The following DGKB variants were observed in gnomAD, a reference collection of about 807,000 sequenced individuals.
DGKB encodes 90 kDa diacylglycerol kinase.
DGKB carries 67 observed loss-of-function variants against 114.3 expected under a neutral mutation model. That is an observed-to-expected ratio of 0.59 (90% CI 0.48 to 0.72). The LOEUF (loss-of-function observed/expected upper bound fraction) is 0.72, where lower values mean the gene tolerates loss of function less well. DGKB is among the 30% of genes least tolerant of loss of function. The probability of loss-of-function intolerance (pLI) is 0.00; values close to 1 mark genes in which losing one functional copy is unlikely to be tolerated. For synonymous variants in DGKB, 398 were observed against 323.1 expected, an observed-to-expected ratio of 1.23 and a Z score of -2.49; for missense variants, 907 against 975.2, an observed-to-expected ratio of 0.93 and a Z score of 0.93.
At chr7:14,933,040 A>G (rs1785106911) in intron 1 of DGKB, among the ~76,000 whole-genome samples, 2 of 152,132 alleles carry the variant, frequency 1.3e-5, no homozygotes, top group African/African-American at 4.8e-5. Context: ...ATCTCACACT[A>G]TTACCTCTTG....
intron 1 of DGKB, among the ~76,000 whole-genome samples, chr7:14,858,313 C>T (rs922831055): frequency 1.4e-4 from 21 of 152,152 alleles, no homozygotes; most frequent in Admixed American, 4.6e-4. Flanking sequence ...AGAATGACTA[C>T]AATTTAACTG....
At chr7:14,408,302 A>C (rs915977601) in intron 21 of DGKB, among the ~76,000 whole-genome samples, 6 of 152,094 alleles carry the variant, frequency 3.9e-5, no homozygotes, top group African/African-American at 1.2e-4. Context: ...GTTAATTATC[A>C]TGGAAGTACT....
chr7:14,544,430 T>C (rs1793964237), intron 20 of DGKB, among the ~76,000 whole-genome samples: 5 of 152,298 alleles, frequency 3.3e-5, no homozygotes, highest in Admixed American at 2.6e-4. Context: ...AAATGTAAAA[T>C]ACAGTTTCAT....
At chr7:14,368,573 C>CTCTGTGTGTGTG (rs10649333) in intron 21 of DGKB, among the ~76,000 whole-genome samples, 5 of 148,620 alleles carry the variant, frequency 3.4e-5, no homozygotes, top group South Asian at 4.3e-4. Flanking sequence ...GGTATTTTCT[C>CTCTGTGTGTGTG]TGTGTGTGTG....
intron 20 of DGKB, among the ~76,000 whole-genome samples, chr7:14,533,172 A>G (rs1241796859): frequency 3.3e-5 from 5 of 151,878 alleles, no homozygotes; most frequent in African/African-American, 1.2e-4. Context: ...AACATAAACC[A>G]TAAAATATAG....
chr7:14,245,253 G>A (rs1029170330), intron 23 of DGKB, among the ~76,000 whole-genome samples: 6 of 152,036 alleles, frequency 3.9e-5, no homozygotes, highest in Non-Finnish European at 8.8e-5. Context: ...AAAAATAAAT[G>A]TCCTACTGAA....
At chr7:14,385,645 C>T (rs7804922) in intron 21 of DGKB, among the ~76,000 whole-genome samples, 1,936 of 152,258 alleles carry the variant, frequency 0.013, 40 homozygotes, top group African/African-American at 0.043. Context: ...TCGCAGATCT[C>T]TTCTCAAATT....
chr7:14,308,508 T>C (rs1804846971), intron 23 of DGKB, among the ~76,000 whole-genome samples: 2 of 152,202 alleles, frequency 1.3e-5, no homozygotes, highest in African/African-American at 4.8e-5. Context: ...CAGAAATATC[T>C]TTGCCAAATT....
At chr7:14,819,942 G>A (rs1343537865) in intron 2 of DGKB, among the ~76,000 whole-genome samples, 1 of 152,120 alleles carries the variant, frequency 6.6e-6, no homozygotes, top group Non-Finnish European at 1.5e-5. Context: ...TATTCAGAGA[G>A]GTTTTTTAAC....
At chr7:14,666,134 T>C (rs1311210415) in intron 13 of DGKB, among the ~76,000 whole-genome samples, 1 of 152,022 alleles carries the variant, frequency 6.6e-6, no homozygotes, top group East Asian at 1.9e-4. Flanking sequence ...AATAAAAGCA[T>C]GATGGCAACG....
At chr7:14,176,701 A>G in intron 25 of DGKB, 138 bp downstream of exon 25, 1 of 1,493,460 alleles carries the variant, frequency 6.7e-7, no homozygotes, top group South Asian at 1.4e-5. Flanking sequence ...TCTGACACAC[A>G]CATAACAACA....
intron 1 of DGKB, among the ~76,000 whole-genome samples, chr7:14,918,949 G>T (rs772808629): frequency 1.6e-4 from 24 of 151,876 alleles, no homozygotes; most frequent in Non-Finnish European, 3.1e-4. Context: ...TGTAATCCCA[G>T]CTACTCAGGA....
chr7:14,578,994 C>T (rs892380442), intron 19 of DGKB, among the ~76,000 whole-genome samples: 1 of 152,152 alleles, frequency 6.6e-6, no homozygotes, highest in South Asian at 2.1e-4. Flanking sequence ...TTCCTTCAGT[C>T]CTTGAAACAC....
Position 14,145,551 on chromosome 7 carries a change from C to G in DGKB, c.*3580G>C, listed in dbSNP as rs1219501690. 2 of 152,018 alleles carry G rather than the reference C, an allele frequency of 1.3e-5. No individual in the cohort carries two copies. The highest frequency in any genetic ancestry group is 2.9e-5 in the Non-Finnish European group (2 of 68,046). The allele number at this position is 152,018 out of a possible 1,614,324, so 9.4% of individuals were successfully genotyped here. On this transcript the variant is annotated 3_prime_UTR_variant, in exon 26 of 26. Transcript: ENST00000402815. Reference sequence around the variant, plus strand: ...TTGGCTCACTGCAACCGCAGCCTCCCGAGTTCAAGCAATTCTTCTGCCTCA... The same window carrying G: ...TTGGCTCACTGCAACCGCAGCCTCCGGAGTTCAAGCAATTCTTCTGCCTCA...
chr7:14,969,670 C>T (rs1787350293), intron 1 of DGKB, among the ~76,000 whole-genome samples: 1 of 152,082 alleles, frequency 6.6e-6, no homozygotes, highest in Admixed American at 6.6e-5. Flanking sequence ...CTGATGATCC[C>T]AAAACCATGC....
chr7:14,673,387 G>A (rs973120276), intron 12 of DGKB, among the ~76,000 whole-genome samples: 10 of 142,496 alleles, frequency 7.0e-5, no homozygotes, highest in African/African-American at 2.6e-4. Flanking sequence ...TGAAACCACT[G>A]TGCCTGTGTA....
chr7:14,536,201 CA>C (rs1792469091), intron 20 of DGKB, among the ~76,000 whole-genome samples: 1 of 152,100 alleles, frequency 6.6e-6, no homozygotes, highest in Admixed American at 6.6e-5. Flanking sequence ...GATGGCTTCA[CA>C]GGTGAATTTT....
chr7:14,707,154 A>C (rs1826422556), intron 6 of DGKB, among the ~76,000 whole-genome samples: 1 of 134,880 alleles, frequency 7.4e-6, no homozygotes, highest in Admixed American at 7.6e-5. Context: ...GATTCCACAG[A>C]AATACAAACT....
At chr7:14,416,958 C>T (rs13233368) in intron 21 of DGKB, among the ~76,000 whole-genome samples, 40,220 of 151,908 alleles carry the variant, frequency 0.26, 5,824 homozygotes, top group East Asian at 0.48. Flanking sequence ...CATCACTGAC[C>T]GGGCAATTTC....
Sources: allele counts gnomAD v4.1 joint callset (sites outside exome capture counted in the v4.1 genomes callset), GRCh38; gene constraint gnomAD v4.1.1; transcripts MANE v1.5; gene names NCBI Gene and HGNC (gene_info 2026-07-23, HGNC 2026-07-21).